Variants in MAP2K4 observed in about 807,000 individuals in gnomAD.
MAP2K4 encodes dual specificity mitogen-activated protein kinase kinase 4.
In MAP2K4, 4 loss-of-function variants were observed where a neutral mutation model predicts 48.5. That is an observed-to-expected ratio of 0.08 (90% CI 0.04 to 0.19). The LOEUF is 0.19. MAP2K4 is among the 10% of genes least tolerant of loss of function. The probability of loss-of-function intolerance (pLI) is 1.00; values close to 1 mark genes in which losing one functional copy is unlikely to be tolerated. For synonymous variants in MAP2K4, 166 were observed against 173.1 expected (o/e 0.96, Z 0.32); for missense variants, 258 against 493.3 (o/e 0.52, Z 4.52).
intron 1 of MAP2K4, among the ~76,000 whole-genome samples, chr17:12,026,546 A>C (rs969138601): frequency 4.6e-5 from 7 of 152,222 alleles, no homozygotes; most frequent in African/African-American, 1.7e-4. Context: ...GTAAGTGGAC[A>C]TAGTCCCCTT....
intron 4 of MAP2K4, among the ~76,000 whole-genome samples, chr17:12,097,802 CCTT>C (rs1201345609): frequency 6.6e-6 from 1 of 152,086 alleles, no homozygotes; most frequent in Non-Finnish European, 1.5e-5. Flanking sequence ...TCTTGCTGTT[CCTT>C]CTATTTTATT....
intron 4 of MAP2K4, among the ~76,000 whole-genome samples, chr17:12,105,300 G>A (rs1024518903): frequency 3.9e-5 from 6 of 152,006 alleles, no homozygotes; most frequent in African/African-American, 1.2e-4. Flanking sequence ...TGTAATCATG[G>A]TCTGCTACTC....
chr17:12,117,192 C>T (rs1393715607), intron 7 of MAP2K4, among the ~76,000 whole-genome samples: 1 of 152,128 alleles, frequency 6.6e-6, no homozygotes, highest in Non-Finnish European at 1.5e-5. Flanking sequence ...GACCATTCTT[C>T]TACATAACCA....
intron 1 of MAP2K4, among the ~76,000 whole-genome samples, chr17:12,035,472 T>C (rs1425872084): frequency 6.6e-6 from 1 of 152,134 alleles, no homozygotes; most frequent in African/African-American, 2.4e-5. Context: ...GCCGAGATTG[T>C]GCCATGGCAC....
At chr17:12,042,287 C>A (rs1220966926) in intron 1 of MAP2K4, among the ~76,000 whole-genome samples, 21 of 151,264 alleles carry the variant, frequency 1.4e-4, no homozygotes, top group Admixed American at 1.4e-3. Flanking sequence ...TATTCTTTTG[C>A]CTTTCCGGAT....
chr17:12,033,627 A>G (rs1969505996), intron 1 of MAP2K4, among the ~76,000 whole-genome samples: 1 of 152,180 alleles, frequency 6.6e-6, no homozygotes, highest in Admixed American at 6.5e-5. Flanking sequence ...GAACCTTTAT[A>G]TATGATATAT....
intron 3 of MAP2K4, among the ~76,000 whole-genome samples, chr17:12,094,113 A>G (rs971802471): frequency 6.6e-6 from 1 of 152,128 alleles, no homozygotes; most frequent in Non-Finnish European, 1.5e-5. Context: ...TTTTGTTTCC[A>G]TTTTTCATTC....
At chr17:12,120,088 A>G (rs1972634282) in intron 7 of MAP2K4, among the ~76,000 whole-genome samples, 1 of 152,212 alleles carries the variant, frequency 6.6e-6, no homozygotes, top group Admixed American at 6.5e-5. Context: ...TGGTCTGTAC[A>G]ACAGACCTCT....
At chr17:12,135,712 G>C (rs1287747043) in intron 9 of MAP2K4, among the ~76,000 whole-genome samples, 1 of 152,012 alleles carries the variant, frequency 6.6e-6, no homozygotes, top group African/African-American at 2.4e-5. Flanking sequence ...ACCACTCCCA[G>C]CTAATTTTTG....
Position 12,110,355 on chromosome 17 carries a change from T to G in MAP2K4, c.634-20T>G, listed in dbSNP as rs762199108. 16 of 1,588,092 alleles carry G rather than the reference T, an allele frequency of 1.0e-5. No individual in the cohort carries two copies. Among genetic ancestry groups the G allele is most frequent in the Non-Finnish European group, 1.2e-5 (14 of 1,157,860 alleles). On this transcript the variant is annotated intron_variant, in intron 5 of 10. Transcript: ENST00000353533. ...AAAAAGAAACAAGTTGTTTATCCCA[T>G]CTCTCCTTTTTCTCCCTAGACTGTG...
intron 9 of MAP2K4, among the ~76,000 whole-genome samples, chr17:12,133,066 G>C (rs1056015736): frequency 6.6e-6 from 1 of 152,024 alleles, no homozygotes; most frequent in Admixed American, 6.6e-5. Context: ...ATTACTTCTT[G>C]GGTTTTGTTG....
chr17:12,113,124 C>CTT lies in MAP2K4; in HGVS notation c.686-108_686-107dup, dbSNP rs891029381. ...CTTCTTATATATCTGAATTTAAGGA[C>CTT]TTGACCACTTATGTTGTCTAAGGTT... On this transcript the variant is annotated intron_variant, in intron 6 of 10. Coordinates refer to ENST00000353533, the MANE Select transcript of MAP2K4 (RefSeq NM_003010.4). 8.5e-5 allele frequency: 75 copies of CTT among 881,072 alleles called. 1 individual carries two copies. In the Middle Eastern group the frequency reaches 2.2e-3, roughly 26 times the overall value. The allele number at this position is 881,072 out of a possible 1,614,324, so 54.6% of individuals were successfully genotyped here.
At chr17:12,077,400 T>C (rs1971047524) in intron 2 of MAP2K4, among the ~76,000 whole-genome samples, 1 of 152,176 alleles carries the variant, frequency 6.6e-6, no homozygotes, top group Non-Finnish European at 1.5e-5. Context: ...ATTAAGTTTG[T>C]TTGCATCTAA....
intron 4 of MAP2K4, among the ~76,000 whole-genome samples, chr17:12,097,301 CT>C (rs1409129292): frequency 6.6e-6 from 1 of 152,228 alleles, no homozygotes; most frequent in Non-Finnish European, 1.5e-5. Flanking sequence ...TCATTATAGA[CT>C]TTCCCCAGCT....
At chr17:12,042,626 G>A (rs1392116269) in intron 1 of MAP2K4, among the ~76,000 whole-genome samples, 1 of 134,718 alleles carries the variant, frequency 7.4e-6, no homozygotes, top group African/African-American at 2.6e-5. Flanking sequence ...GGGCAGCAGA[G>A]TGAGACCTTC....
At chr17:12,114,653 C>T (rs995293452) in intron 7 of MAP2K4, among the ~76,000 whole-genome samples, 1 of 151,852 alleles carries the variant, frequency 6.6e-6, no homozygotes, top group Non-Finnish European at 1.5e-5. Context: ...TTGTTATTTA[C>T]AGTTTTAGGG....
At position 12,143,213 on chromosome 17, in the gene MAP2K4, A is replaced by G. The variant is rs987269021; in HGVS notation, c.*1953A>G. 16 of 233,112 alleles carry G rather than the reference A, an allele frequency of 6.9e-5. 1 individual carries two copies. Among genetic ancestry groups the G allele is most frequent in the Admixed American group, 4.5e-4 (8 of 17,786 alleles). The allele number at this position is 233,112 out of a possible 1,614,324, so 14.4% of individuals were successfully genotyped here. ...AGAGGAATCTGTTTCTCTGCTGTCA[A>G]CTTCCCATCTGGCTCAGCATAGGGT... On this transcript the variant is annotated 3_prime_UTR_variant, in exon 11 of 11. Transcript: ENST00000353533.
Position 12,117,597 on chromosome 17 carries a change from ATT to A in MAP2K4, c.813+4245_813+4246del, listed in dbSNP as rs55920065. Among the ~76,000 whole-genome samples the A allele has an allele frequency of 2.0e-5, 3 of 151,494 alleles. No individual in the cohort carries two copies. In the South Asian group the frequency reaches 6.3e-4, roughly 32 times the overall value. On this transcript the variant is annotated intron_variant, in intron 7 of 10. Transcript: ENST00000353533. The stretch of plus-strand genomic sequence containing the variant: ...AAGACCTACCTGCATTACTCACTGT[ATT>A]TTTTTTTGTTTTTTTTGCTCATTTT...
At position 12,125,182 on chromosome 17, in the gene MAP2K4, G is replaced by A; in HGVS notation, c.814-112G>A. 5.4e-6 allele frequency: 4 copies of A among 744,624 alleles called. No individual in the cohort carries two copies. In the South Asian group the frequency reaches 5.9e-5, roughly 11 times the overall value. The allele number at this position is 744,624 out of a possible 1,614,324, so 46.1% of individuals were successfully genotyped here. A position where few individuals can be genotyped will look rare whatever the true frequency, so the allele number is the denominator to read the frequency against. Reference sequence around the variant, plus strand: ...TACTTCCATTCTGACGCTAGACATGGATTCCTCTAGGAATATACTGGCATT... The same window carrying A: ...TACTTCCATTCTGACGCTAGACATGAATTCCTCTAGGAATATACTGGCATT... On this transcript the variant is annotated intron_variant, in intron 7 of 10. Coordinates refer to ENST00000353533, the MANE Select transcript of MAP2K4 (RefSeq NM_003010.4).
Sources: allele counts gnomAD v4.1 joint callset (sites outside exome capture counted in the v4.1 genomes callset), GRCh38; gene constraint gnomAD v4.1.1; transcripts MANE v1.5; gene names NCBI Gene and HGNC (gene_info 2026-07-23, HGNC 2026-07-21).